KRIT1: variants seen among roughly 807,000 people sequenced by gnomAD.
KRIT1 encodes KRIT1 ankyrin repeat containing.
Under a neutral mutation model 95.8 loss-of-function variants are expected in KRIT1, and 45 were observed. The ratio of observed to expected loss-of-function variants is 0.47; its 90% confidence interval spans 0.37 to 0.60. KRIT1 has a LOEUF of 0.60. KRIT1 is among the 20% of genes least tolerant of loss of function. KRIT1 has a pLI of 0.00. For synonymous variants in KRIT1, 282 were observed against 278.8 expected, an observed-to-expected ratio of 1.01 and a Z score of -0.11; for missense variants, 788 against 877.5, an observed-to-expected ratio of 0.90 and a Z score of 1.29.
chr7:92,232,224 G>A (rs768571077), intron 10 of KRIT1, among the ~76,000 whole-genome samples: 6 of 152,084 alleles, frequency 3.9e-5, no homozygotes, highest in African/African-American at 7.2e-5. Context: ...CACTACACCC[G>A]GCCAACACTT....
intron 17 of KRIT1, among the ~76,000 whole-genome samples, chr7:92,204,938 CGTGT>C (rs913672938): frequency 1.3e-5 from 2 of 152,244 alleles, no homozygotes; most frequent in Non-Finnish European, 2.9e-5. Flanking sequence ...TCTCCATTCA[CGTGT>C]GTATCTATCA....
Position 92,221,825 on chromosome 7 carries a change from C to T in KRIT1, c.1563+77G>A. The T allele has an allele frequency of 2.5e-6, 3 of 1,220,042 alleles. No homozygotes were observed. In the South Asian group the frequency reaches 3.8e-5, roughly 15 times the overall value. The allele number at this position is 1,220,042 out of a possible 1,614,324, so 75.6% of individuals were successfully genotyped here. ...CGATTTAAGGATGTAAGCACAATTT[C>T]TGCCTCTAGTGCTTACAATAGAAAC... is the stretch of plus-strand genomic sequence containing the variant. On this transcript the variant is annotated intron_variant, in intron 14 of 18. Coordinates refer to ENST00000394505, the MANE Select transcript of KRIT1 (RefSeq NM_194454.3).
chr7:92,210,513 A>C (rs1792568431), intron 17 of KRIT1, among the ~76,000 whole-genome samples: 1 of 152,234 alleles, frequency 6.6e-6, no homozygotes, highest in Non-Finnish European at 1.5e-5. Flanking sequence ...TCCATCTCTC[A>C]CCATATACAG....
intron 17 of KRIT1, among the ~76,000 whole-genome samples, chr7:92,207,358 A>C (rs1791768926): frequency 6.6e-6 from 1 of 150,710 alleles, no homozygotes; most frequent in Non-Finnish European, 1.5e-5. Context: ...ATGTGTTTAA[A>C]ATGCTAAAAG....
At chr7:92,245,520 G>A (rs565231755) in intron 1 of KRIT1, 1 of 151,372 alleles carries the variant, frequency 6.6e-6, no homozygotes, top group African/African-American at 2.4e-5. Flanking sequence ...GAAGGACACC[G>A]AGAGGTCCCA....
intron 7 of KRIT1, 96 bp from the exon 8 acceptor site, chr7:92,235,742 A>G: frequency 9.0e-7 from 1 of 1,105,652 alleles, no homozygotes; most frequent in Non-Finnish European, 1.3e-6. Flanking sequence ...ACTTGTGAAT[A>G]TTACCTTCAG....
chr7:92,238,705 G>A (rs1474261546), intron 5 of KRIT1, among the ~76,000 whole-genome samples: 1 of 152,108 alleles, frequency 6.6e-6, no homozygotes, highest in Non-Finnish European at 1.5e-5. Flanking sequence ...TTATTTAAAT[G>A]CCTATTTTGC....
chr7:92,213,634 T>G (rs371152272), intron 16 of KRIT1, among the ~76,000 whole-genome samples: 2 of 152,086 alleles, frequency 1.3e-5, no homozygotes, highest in Non-Finnish European at 2.9e-5. Flanking sequence ...TTCACGGGCA[T>G]GGATAGTATA....
chr7:92,224,465 T>C (rs1260774982), intron 12 of KRIT1, among the ~76,000 whole-genome samples: 2 of 152,118 alleles, frequency 1.3e-5, no homozygotes, highest in Non-Finnish European at 2.9e-5. Flanking sequence ...AGTGAGACCC[T>C]GTCTCATAAA....
At chr7:92,237,996 T>C (rs1798786525) in intron 5 of KRIT1, among the ~76,000 whole-genome samples, 2 of 152,126 alleles carry the variant, frequency 1.3e-5, no homozygotes, top group African/African-American at 4.8e-5. Flanking sequence ...TTCCTAAGCA[T>C]AGCTAGGAAA....
At chr7:92,245,502 T>A (rs1017722448) in intron 1 of KRIT1, 2 of 151,016 alleles carry the variant, frequency 1.3e-5, no homozygotes, top group Non-Finnish European at 2.9e-5. Flanking sequence ...TTGCTCCTCC[T>A]GTTTCCCGAA....
chr7:92,209,759 A>C (rs1013995848), intron 17 of KRIT1, among the ~76,000 whole-genome samples: 4 of 152,180 alleles, frequency 2.6e-5, no homozygotes, highest in Non-Finnish European at 5.9e-5. Context: ...GGAAGAGTTA[A>C]TATTGTTAAA....
chr7:92,244,196 G>A (rs770423172), intron 2 of KRIT1, 47 bp from the exon 3 acceptor site: 5 of 152,152 alleles, frequency 3.3e-5, no homozygotes, highest in Non-Finnish European at 7.4e-5. Flanking sequence ...TACACTGTAT[G>A]ATATATGGGC....
chr7:92,215,324 C>G (rs1379749469), intron 14 of KRIT1, among the ~76,000 whole-genome samples: 1 of 152,066 alleles, frequency 6.6e-6, no homozygotes, highest in Non-Finnish European at 1.5e-5. Flanking sequence ...TCATACAATA[C>G]AGTAGTGGAC....
At chr7:92,217,499 GA>G (rs1794229644) in intron 14 of KRIT1, among the ~76,000 whole-genome samples, 1 of 151,968 alleles carries the variant, frequency 6.6e-6, no homozygotes, top group Admixed American at 6.6e-5. Flanking sequence ...GCCTATTCTA[GA>G]TTACTTGATA....
intron 6 of KRIT1, among the ~76,000 whole-genome samples, chr7:92,237,295 A>G (rs2131687377): frequency 6.6e-6 from 1 of 152,278 alleles, no homozygotes; most frequent in Non-Finnish European, 1.5e-5. Flanking sequence ...TCCCAAATAC[A>G]AGATAGGTTC....
At chr7:92,240,845 T>C (rs1799461040) in intron 5 of KRIT1, 148 bp downstream of exon 5, 1 of 681,094 alleles carries the variant, frequency 1.5e-6, no homozygotes, top group South Asian at 1.8e-5. Context: ...GGCTTGGGTG[T>C]ACCTTAAAAA....
intron 5 of KRIT1, among the ~76,000 whole-genome samples, chr7:92,239,699 T>C (rs929089136): frequency 5.9e-5 from 9 of 151,388 alleles, no homozygotes; most frequent in Non-Finnish European, 1.2e-4. Flanking sequence ...ACAGATCATA[T>C]GCAGGAACTT....
rs527439925 is a variant in KRIT1 at position 92,234,607 on chromosome 7, G to A, written c.846-15C>T. On this transcript the variant is annotated splice_polypyrimidine_tract_variant and intron_variant, in intron 9 of 18. Transcript: ENST00000394505. ...ACTGTCGTTCCCTAATCATTAAAAAGAAATTTTGAAAAATACAACAGGACT... is the reference window on the plus strand; with the variant it reads ...ACTGTCGTTCCCTAATCATTAAAAAAAAATTTTGAAAAATACAACAGGACT... 5.6e-6 allele frequency: 9 copies of A among 1,606,906 alleles called. No homozygotes were observed. The highest frequency in any genetic ancestry group is 5.3e-5 in the African/African-American group (4 of 74,830).
Sources: gnomAD v4.1 joint callset for allele counts (sites outside exome capture counted in the v4.1 genomes callset) on GRCh38, gnomAD v4.1.1 for gene constraint, MANE v1.5 for transcripts, NCBI Gene and HGNC (gene_info 2026-07-23, HGNC 2026-07-21) for gene names.